ATP7A: variants seen among roughly 807,000 people sequenced by gnomAD.
The protein encoded by ATP7A is copper-transporting ATPase 1.
ATP7A carries 7 observed loss-of-function variants against 83.5 expected under a neutral mutation model. The observed-to-expected ratio is 0.08, with a 90% CI of 0.05 to 0.16. ATP7A has a LOEUF of 0.16. Among genes scored for constraint, ATP7A ranks in the 10% least tolerant of loss-of-function variants. The probability of loss-of-function intolerance (pLI) is 1.00; values close to 1 mark genes in which losing one functional copy is unlikely to be tolerated. For missense variants in ATP7A, 940 were observed against 1,120.8 expected, an observed-to-expected ratio of 0.84 and a Z score of 2.30; for synonymous variants, 354 against 395.2, an observed-to-expected ratio of 0.90 and a Z score of 1.24.
At chrX:77,942,340 TAGA>T (rs1291037966) in intron 1 of ATP7A, among the ~76,000 whole-genome samples, 1 of 111,798 alleles carries the variant, frequency 8.9e-6, no homozygotes, top group Non-Finnish European at 1.9e-5. Context: ...AGTTTTGGAG[TAGA>T]AGATTTAATT....
At chrX:78,019,848 G>A (rs2077893447) in intron 12 of ATP7A, among the ~76,000 whole-genome samples, 1 of 110,804 alleles carries the variant, frequency 9.0e-6, no homozygotes, top group Admixed American at 9.7e-5. Flanking sequence ...ACATACTGTA[G>A]TACAATTCAG....
At chrX:77,912,149 GT>G (rs1176436446) in intron 1 of ATP7A, among the ~76,000 whole-genome samples, 2 of 110,898 alleles carry the variant, frequency 1.8e-5, no homozygotes, top group African/African-American at 3.3e-5. Flanking sequence ...ACATGAGAGA[GT>G]TTTTTTTGTA....
chrX:77,927,800 C>T (rs954375333), intron 1 of ATP7A, among the ~76,000 whole-genome samples: 5 of 110,344 alleles, frequency 4.5e-5, no homozygotes, highest in African/African-American at 1.7e-4. Context: ...CACAACAGGC[C>T]CCGGTGTGTG....
chrX:77,963,311 T>C (rs2077484300), intron 1 of ATP7A: 1 of 113,479 alleles, frequency 8.8e-6, no homozygotes, highest in South Asian at 3.6e-4. Flanking sequence ...TCCATTAGGC[T>C]GAGTTCTCTA....
intron 7 of ATP7A, 116 bp from the exon 8 acceptor site, chrX:78,011,060 G>C (rs782270322): frequency 8.0e-5 from 47 of 589,683 alleles, no homozygotes; most frequent in Middle Eastern, 9.7e-4. Context: ...GTATTCCCCA[G>C]AGTGACTTGC....
At chrX:77,987,443 T>TG (rs2077643127) in intron 2 of ATP7A, among the ~76,000 whole-genome samples, 1 of 80,906 alleles carries the variant, frequency 1.2e-5, no homozygotes, top group African/African-American at 4.8e-5. Context: ...CAACCCAGTA[T>TG]TTGTGTGTGT....
intron 14 of ATP7A, among the ~76,000 whole-genome samples, chrX:78,026,874 C>T (rs782194153): frequency 2.3e-4 from 26 of 111,646 alleles, no homozygotes; most frequent in African/African-American, 6.5e-4. Context: ...TTCGGCCGGG[C>T]GCGGTGGCTC....
chrX:77,953,441 A>G (rs1328468255), intron 1 of ATP7A, among the ~76,000 whole-genome samples: 1 of 111,725 alleles, frequency 9.0e-6, no homozygotes, highest in African/African-American at 3.3e-5. Context: ...CACCAAGACC[A>G]TATTTAACAC....
chrX:77,925,740 A>G (rs2149044209), intron 1 of ATP7A, among the ~76,000 whole-genome samples: 1 of 111,105 alleles, frequency 9.0e-6, no homozygotes, highest in East Asian at 2.8e-4. Context: ...TGGAGGCTGC[A>G]CTTAGAAATT....
At chrX:78,034,232 T>A (rs2077999167) in intron 17 of ATP7A, among the ~76,000 whole-genome samples, 1 of 111,918 alleles carries the variant, frequency 8.9e-6, no homozygotes, top group South Asian at 3.7e-4. Context: ...GCAGTATCCT[T>A]CATCTTGCCT....
At chrX:77,918,180 C>T (rs190022415) in intron 1 of ATP7A, among the ~76,000 whole-genome samples, 1 of 108,800 alleles carries the variant, frequency 9.2e-6, no homozygotes, top group Non-Finnish European at 1.9e-5. Flanking sequence ...AATCCTCCTA[C>T]TTCAGCATTC....
intron 7 of ATP7A, among the ~76,000 whole-genome samples, chrX:78,009,700 A>G (rs2077803829): frequency 8.9e-6 from 1 of 112,229 alleles, no homozygotes; most frequent in African/African-American, 3.2e-5. Flanking sequence ...GCTCATGCCT[A>G]TAATCTCAGC....
intron 1 of ATP7A, among the ~76,000 whole-genome samples, chrX:77,929,821 C>T (rs2077262167): frequency 9.1e-6 from 1 of 110,359 alleles, no homozygotes. Context: ...CACCCACTAC[C>T]AGAATCATCT....
At chrX:77,958,896 C>G (rs112359188) in intron 1 of ATP7A, among the ~76,000 whole-genome samples, 6,188 of 103,252 alleles carry the variant, frequency 0.06, 513 homozygotes, top group African/African-American at 0.21. Flanking sequence ...TCAAGTGATT[C>G]TCCTGCCTCA....
chrX:78,031,328 C>T, intron 15 of ATP7A, 72 bp from the exon 16 acceptor site: 1 of 1,030,904 alleles, frequency 9.7e-7, no homozygotes, highest in South Asian at 1.9e-5. Context: ...TTTGTCAAAA[C>T]AGACCTTTTT....
chrX:77,910,699 TG>T lies in ATP7A; in HGVS notation c.-157del, dbSNP rs2077155513. On this transcript the variant is annotated 5_prime_UTR_variant, in exon 1 of 23. Transcript: ENST00000341514. ...GGAAAAGAGAAGCAGAGGGAGGAGT[TG>T]TTGCTGCCGCCGCCGCAGCCGCAGC... The T allele has an allele frequency of 8.9e-6, 1 of 111,959 alleles. No individual in the cohort carries two copies. The highest frequency in any genetic ancestry group is 3.2e-5 in the African/African-American group (1 of 30,794). The allele number at this position is 111,959 out of a possible 1,213,427, so 9.2% of individuals were successfully genotyped here. A position where few individuals can be genotyped will look rare whatever the true frequency, so the allele number is the denominator to read the frequency against.
intron 1 of ATP7A, among the ~76,000 whole-genome samples, chrX:77,965,126 G>A (rs907298531): frequency 2.0e-4 from 22 of 110,155 alleles, no homozygotes; most frequent in African/African-American, 6.3e-4. Flanking sequence ...ATTTCAGTAT[G>A]AGGAAAAATA....
At chrX:77,931,787 C>T (rs1308059437) in intron 1 of ATP7A, among the ~76,000 whole-genome samples, 1 of 105,009 alleles carries the variant, frequency 9.5e-6, no homozygotes, top group Non-Finnish European at 2.0e-5. Flanking sequence ...CCCCCACCTC[C>T]CTCCTGGACG....
chrX:77,942,801 G>GT (rs2077358707), intron 1 of ATP7A, among the ~76,000 whole-genome samples: 1 of 109,105 alleles, frequency 9.2e-6, no homozygotes, highest in Admixed American at 9.9e-5. Flanking sequence ...TCTAGCTTTT[G>GT]TTTTTTGTTT....
Sources: allele counts gnomAD v4.1 joint callset (sites outside exome capture counted in the v4.1 genomes callset), GRCh38; gene constraint gnomAD v4.1.1; transcripts MANE v1.5; gene names NCBI Gene and HGNC (gene_info 2026-07-23, HGNC 2026-07-21).